RELL1: variants seen among roughly 807,000 people sequenced by gnomAD.
RELL1 encodes RELT-like protein 1.
RELL1 carries 10 observed loss-of-function variants against 23.0 expected under a neutral mutation model. That is an observed-to-expected ratio of 0.43 (90% confidence interval 0.27 to 0.74). RELL1 has a LOEUF of 0.74. Among genes scored for constraint, RELL1 ranks in the 30% least tolerant of loss-of-function variants. The pLI, the probability that RELL1 is intolerant of heterozygous loss-of-function variation, is 0.19. For missense variants in RELL1, 315 were observed against 364.4 expected (o/e 0.86, Z 1.10); for synonymous variants, 146 against 146.8 (o/e 0.99, Z 0.04).
At chr4:37,683,486 G>A (rs1034203448) in intron 1 of RELL1, among the ~76,000 whole-genome samples, 5 of 152,214 alleles carry the variant, frequency 3.3e-5, no homozygotes, top group Non-Finnish European at 7.3e-5. Context: ...GCTGGGCGCG[G>A]TGGCTCACAC....
intron 1 of RELL1, 45 bp from the exon 2 acceptor site, chr4:37,649,545 C>T (rs1205583475): frequency 6.6e-7 from 1 of 1,518,126 alleles, no homozygotes; most frequent in Non-Finnish European, 9.1e-7. Context: ...CTGTCCAGGG[C>T]AAGAAAAACC....
At chr4:37,630,568 T>C (rs1263989130) in intron 6 of RELL1, among the ~76,000 whole-genome samples, 1 of 151,982 alleles carries the variant, frequency 6.6e-6, no homozygotes, top group Non-Finnish European at 1.5e-5. Flanking sequence ...GGTTTCACCA[T>C]GTTAGCCAGG....
intron 1 of RELL1, among the ~76,000 whole-genome samples, chr4:37,684,039 G>A (rs1722317743): frequency 6.6e-6 from 1 of 152,158 alleles, no homozygotes; most frequent in Non-Finnish European, 1.5e-5. Context: ...TCGCGCCACT[G>A]CACTCCAGCC....
intron 6 of RELL1, among the ~76,000 whole-genome samples, chr4:37,597,040 G>A (rs1450937472): frequency 4.6e-5 from 7 of 151,502 alleles, no homozygotes; most frequent in Non-Finnish European, 8.8e-5. Flanking sequence ...GAGTCACCGC[G>A]CCCAGCCCGG....
At chr4:37,632,311 A>G (rs1453446302) in intron 5 of RELL1, among the ~76,000 whole-genome samples, 1 of 151,348 alleles carries the variant, frequency 6.6e-6, no homozygotes, top group Non-Finnish European at 1.5e-5. Flanking sequence ...AGCTGGGATT[A>G]CAGCCATGTG....
At chr4:37,597,913 T>C (rs1718909972) in intron 6 of RELL1, among the ~76,000 whole-genome samples, 1 of 151,706 alleles carries the variant, frequency 6.6e-6, no homozygotes, top group South Asian at 2.1e-4. Context: ...TAGCCAGGGC[T>C]GGTGGTGCTC....
intron 1 of RELL1, among the ~76,000 whole-genome samples, chr4:37,684,386 G>A (rs1330704422): frequency 6.6e-6 from 1 of 151,840 alleles, no homozygotes; most frequent in African/African-American, 2.4e-5. Flanking sequence ...TTAGATGAGA[G>A]CTTTCATCAG....
At chr4:37,668,787 C>G (rs1252862004) in intron 1 of RELL1, among the ~76,000 whole-genome samples, 2 of 133,936 alleles carry the variant, frequency 1.5e-5, no homozygotes, top group Admixed American at 1.4e-4. Flanking sequence ...CTCTTCCCGG[C>G]CGCCACCCCA....
intron 1 of RELL1, among the ~76,000 whole-genome samples, chr4:37,650,037 T>C (rs10029002): frequency 0.32 from 48,013 of 152,052 alleles, 7,778 homozygotes; most frequent in Non-Finnish European, 0.37. Flanking sequence ...GAAATGGGCA[T>C]ACAAATACTA....
chr4:37,668,449 C>T (rs1721622524), intron 1 of RELL1, among the ~76,000 whole-genome samples: 2 of 152,116 alleles, frequency 1.3e-5, no homozygotes, highest in South Asian at 2.1e-4. Context: ...AGCTCCTAAC[C>T]GCGAGTGATC....
chr4:37,633,062 G>C (rs1253903786), intron 5 of RELL1, among the ~76,000 whole-genome samples: 1 of 152,142 alleles, frequency 6.6e-6, no homozygotes, highest in Non-Finnish European at 1.5e-5. Context: ...GAATCATTAA[G>C]CGCTCCTAGT....
intron 5 of RELL1, among the ~76,000 whole-genome samples, chr4:37,632,079 A>G (rs111461999): frequency 0.03 from 3,753 of 124,748 alleles, 135 homozygotes; most frequent in East Asian, 0.2. Flanking sequence ...CCCTGTCTCA[A>G]TAAGGAAAAA....
chr4:37,657,384 T>G (rs1721152691), intron 1 of RELL1, among the ~76,000 whole-genome samples: 1 of 152,100 alleles, frequency 6.6e-6, no homozygotes, highest in African/African-American at 2.4e-5. Context: ...GGTAGGGTAG[T>G]TCACCCTCAG....
chr4:37,619,169 GC>G (rs1719682234), intron 6 of RELL1, among the ~76,000 whole-genome samples: 1 of 150,348 alleles, frequency 6.7e-6, no homozygotes, highest in African/African-American at 2.4e-5. Context: ...GTGAGCCACT[GC>G]ACCCACCTCC....
At chr4:37,636,347 G>C (rs1233310672) in intron 4 of RELL1, among the ~76,000 whole-genome samples, 2 of 152,128 alleles carry the variant, frequency 1.3e-5, no homozygotes, top group Admixed American at 1.3e-4. Flanking sequence ...TGTAATCCCA[G>C]CACTTTGGGA....
chr4:37,656,749 A>T (rs1560350238), intron 1 of RELL1, among the ~76,000 whole-genome samples: 1 of 152,212 alleles, frequency 6.6e-6, no homozygotes, highest in Non-Finnish European at 1.5e-5. Flanking sequence ...ATTGTTATAA[A>T]AGCGAGTTCA....
chr4:37,593,895 G>A (rs998817866), intron 6 of RELL1, among the ~76,000 whole-genome samples: 8 of 152,070 alleles, frequency 5.3e-5, no homozygotes, highest in Admixed American at 4.6e-4. Flanking sequence ...ACTCCAAACC[G>A]GACGAAAAGA....
chr4:37,612,603 C>T lies in RELL1; in HGVS notation c.*743G>A, dbSNP rs984087509. On this transcript the variant is annotated 3_prime_UTR_variant, in exon 7 of 7. Transcript: ENST00000454158. ...GGTGAGTGGAGATTGTGCCACTGCACTCCAGCCTAGGGGACACAGCGAGAC... is the reference window on the plus strand; with the variant it reads ...GGTGAGTGGAGATTGTGCCACTGCATTCCAGCCTAGGGGACACAGCGAGAC... 1.3e-5 allele frequency among the ~76,000 whole-genome samples: 2 copies of T among 148,428 alleles called. No homozygotes were observed. Among genetic ancestry groups the T allele is most frequent in the Non-Finnish European group, 3.0e-5 (2 of 67,594 alleles).
At position 37,611,562 on chromosome 4, in the gene RELL1, A is replaced by C. The variant is rs1049133222; in HGVS notation, c.*1784T>G. Reference sequence around the variant, plus strand: ...ACAAATGAAAGATGTGCATTTTCCTATATGAAATAAAAGAAGTGCTCAAGG... The same window carrying C: ...ACAAATGAAAGATGTGCATTTTCCTCTATGAAATAAAAGAAGTGCTCAAGG... On this transcript the variant is annotated 3_prime_UTR_variant, in exon 7 of 7. Transcript: ENST00000454158. Among the ~76,000 whole-genome samples, 5 of 152,158 alleles carry C rather than the reference A, an allele frequency of 3.3e-5. No individual in the cohort carries two copies. The highest frequency in any genetic ancestry group is 1.2e-4 in the African/African-American group (5 of 41,446).
Sources: gnomAD v4.1 joint callset for allele counts (sites outside exome capture counted in the v4.1 genomes callset) on GRCh38, gnomAD v4.1.1 for gene constraint, MANE v1.5 for transcripts, NCBI Gene and HGNC (gene_info 2026-07-23, HGNC 2026-07-21) for gene names.